The following SYCP2 variants were observed in gnomAD, a reference collection of about 807,000 sequenced individuals.
SYCP2 encodes the protein synaptonemal complex protein 2, also known as synaptonemal complex lateral element protein.
In SYCP2, 55 loss-of-function variants were observed where a neutral mutation model predicts 211.3. The observed-to-expected ratio is 0.26, with a 90% confidence interval of 0.21 to 0.33. The LOEUF (loss-of-function observed/expected upper bound fraction) is 0.33, where lower values mean the gene tolerates loss of function less well. SYCP2 is among the 10% of genes least tolerant of loss of function. The pLI is 1.00. For synonymous variants in SYCP2, 570 were observed against 555.2 expected (o/e 1.03, Z -0.37); for missense variants, 1,731 against 1,752.0 (o/e 0.99, Z 0.21).
chr20:59,932,890 G>A (rs1008619548), intron 1 of SYCP2, among the ~76,000 whole-genome samples: 3 of 152,080 alleles, frequency 2.0e-5, no homozygotes, highest in African/African-American at 4.8e-5. Context: ...GACTGAAGGC[G>A]CCGAGCAGGA....
At chr20:59,867,014 CAA>C (rs779891839) in intron 39 of SYCP2, among the ~76,000 whole-genome samples, 21 of 60,420 alleles carry the variant, frequency 3.5e-4, no homozygotes, top group South Asian at 8.0e-4. Context: ...GGCCTTGGGC[CAA>C]AAAAAAAAAA....
At chr20:59,884,868 T>C (rs2059755489) in intron 26 of SYCP2, among the ~76,000 whole-genome samples, 1 of 151,914 alleles carries the variant, frequency 6.6e-6, no homozygotes, top group African/African-American at 2.4e-5. Flanking sequence ...AAAAAACCCA[T>C]GAGTAAAATA....
chr20:59,921,036 A>G (rs953290757), intron 4 of SYCP2, among the ~76,000 whole-genome samples: 3 of 151,628 alleles, frequency 2.0e-5, no homozygotes, highest in African/African-American at 7.2e-5. Context: ...TCAAAGAGCT[A>G]AAGTATTTTT....
At chr20:59,870,042 C>G (rs902985366) in intron 35 of SYCP2, 59 bp from the exon 36 acceptor site, 2 of 1,151,378 alleles carry the variant, frequency 1.7e-6, no homozygotes, top group African/African-American at 3.1e-5. Context: ...CAAAGCCCCC[C>G]ACTTCAAAAA....
At position 59,867,031 on chromosome 20, in the gene SYCP2, A is replaced by G. The variant is rs1056945342; in HGVS notation, c.4126-442T>C. On this transcript the variant is annotated intron_variant, in intron 39 of 44. Coordinates refer to ENST00000357552, the MANE Select transcript of SYCP2 (RefSeq NM_014258.4). Reference sequence around the variant, plus strand: ...CCTTGGGCCAAAAAAAAAAAAAAAAAAAAAGAAACAGAAAAAACAAGCAAT... The same window carrying G: ...CCTTGGGCCAAAAAAAAAAAAAAAAGAAAAGAAACAGAAAAAACAAGCAAT... Among the ~76,000 whole-genome samples, 7 of 143,926 alleles carry G rather than the reference A, an allele frequency of 4.9e-5. No homozygotes were observed. In the South Asian group the frequency reaches 1.3e-3, roughly 27 times the overall value. 94.4% of individuals were successfully genotyped at this position (143,926 alleles called of 152,430 possible). A position where few individuals can be genotyped will look rare whatever the true frequency, so the allele number is the denominator to read the frequency against.
rs866733193 is a variant in SYCP2, at chr20:59,891,259, C to G, written c.2364+731G>C. 2.6e-5 allele frequency among the ~76,000 whole-genome samples: 4 copies of G among 151,884 alleles called. No individual in the cohort carries two copies. The South Asian group carries it at 8.3e-4, about 31-fold the overall frequency. ...ATCAAAAAGCAGATTGCATTACCTGCAGTGGAAATGTATTCTAATTAAAAA... is the reference window on the plus strand; with the variant it reads ...ATCAAAAAGCAGATTGCATTACCTGGAGTGGAAATGTATTCTAATTAAAAA... On this transcript the variant is annotated intron_variant, in intron 24 of 44. Coordinates refer to ENST00000357552, the MANE Select transcript of SYCP2 (RefSeq NM_014258.4).
chr20:59,866,312 T>G lies in SYCP2; in HGVS notation c.4301A>C (p.Asp1434Ala). Reference sequence around the variant, plus strand: ...ACAAACCACAAATTCCTTTTCCAAATCTTTTAAAGACTGTGAATCTTTTTC... The same window carrying G: ...ACAAACCACAAATTCCTTTTCCAAAGCTTTTAAAGACTGTGAATCTTTTTC... ...NFEKDSQSLK[D>A]LEKEFVDFWE... The change falls in exon 41 of 45, where the codon GAT becomes GCT. Residue 1434 changes from aspartate (D) to alanine (A), a missense_variant. Transcript: ENST00000357552. 6 of 1,584,414 alleles carry G rather than the reference T, an allele frequency of 3.8e-6. No homozygotes were observed. The highest frequency in any genetic ancestry group is 5.1e-6 in the Non-Finnish European group (6 of 1,168,986).
intron 18 of SYCP2, among the ~76,000 whole-genome samples, chr20:59,897,631 C>T (rs965203272): frequency 4.0e-5 from 6 of 151,380 alleles, no homozygotes; most frequent in African/African-American, 4.9e-5. Flanking sequence ...CTAATTATCT[C>T]GGGGAAATAA....
In SYCP2 at chr20:59,867,705, A is replaced by G; in HGVS notation, c.4125+6T>C. On this transcript the variant is annotated splice_donor_region_variant and intron_variant, in intron 39 of 44. Coordinates refer to ENST00000357552, the MANE Select transcript of SYCP2 (RefSeq NM_014258.4). ...GGTATAAATCATAATTTAAAGAATAACTCACATTATTCCTTCTCTTAAATT... is the reference window on the plus strand; with the variant it reads ...GGTATAAATCATAATTTAAAGAATAGCTCACATTATTCCTTCTCTTAAATT... The G allele has an allele frequency of 6.2e-7, 1 of 1,601,226 alleles. No individual in the cohort carries two copies. Among genetic ancestry groups the G allele is most frequent in the Non-Finnish European group, 8.5e-7 (1 of 1,170,146 alleles).
chr20:59,908,372 C>T (rs1013858240), intron 14 of SYCP2, among the ~76,000 whole-genome samples: 1 of 152,156 alleles, frequency 6.6e-6, no homozygotes, highest in Admixed American at 6.5e-5. Flanking sequence ...CCCTTCTCTC[C>T]TATACCTTAA....
At chr20:59,881,920 A>G in intron 28 of SYCP2, 25 bp downstream of exon 28, 2 of 1,571,794 alleles carry the variant, frequency 1.3e-6, no homozygotes, top group Non-Finnish European at 1.7e-6. Context: ...GAGTAAATAC[A>G]AAGTATCTTG....
chr20:59,864,577 A>C (rs2059293064), intron 44 of SYCP2, among the ~76,000 whole-genome samples, 189 bp from the exon 45 acceptor site: 1 of 152,040 alleles, frequency 6.6e-6, no homozygotes. Flanking sequence ...CTGATATTCA[A>C]GACAATCAGT....
chr20:59,917,458 AAG>A (rs2060464026), intron 7 of SYCP2, among the ~76,000 whole-genome samples: 1 of 152,192 alleles, frequency 6.6e-6, no homozygotes, highest in African/African-American at 2.4e-5. Context: ...ACTGCATAAA[AAG>A]AAAAAAGTAC....
chr20:59,895,060 A>G (rs950547698), intron 20 of SYCP2, among the ~76,000 whole-genome samples: 1 of 152,068 alleles, frequency 6.6e-6, no homozygotes, highest in Non-Finnish European at 1.5e-5. Context: ...TATGTAACTT[A>G]GTATCTAATT....
intron 33 of SYCP2, among the ~76,000 whole-genome samples, chr20:59,876,682 T>C (rs2059567220): frequency 6.6e-6 from 1 of 151,984 alleles, no homozygotes; most frequent in Non-Finnish European, 1.5e-5. Context: ...TAATTACCTA[T>C]AGTACTTATG....
intron 34 of SYCP2, 89 bp from the exon 35 acceptor site, chr20:59,874,150 A>G (rs2059509463): frequency 3.0e-6 from 2 of 658,280 alleles, no homozygotes; most frequent in African/African-American, 3.7e-5. Flanking sequence ...TTTAAATTCT[A>G]AGAATTTGTC....
intron 31 of SYCP2, among the ~76,000 whole-genome samples, chr20:59,879,322 C>T (rs2059620652): frequency 6.7e-6 from 1 of 148,566 alleles, no homozygotes; most frequent in Admixed American, 8.0e-5. Context: ...AATCCTGCTG[C>T]TTTACTTCCT....
intron 22 of SYCP2, 100 bp downstream of exon 22, chr20:59,893,042 T>C (rs570201021): frequency 1.2e-4 from 101 of 831,360 alleles, no homozygotes; most frequent in Middle Eastern, 7.5e-4. Flanking sequence ...TGATTAATAC[T>C]AATTCTAATC....
intron 15 of SYCP2, among the ~76,000 whole-genome samples, chr20:59,904,556 G>A (rs922525712): frequency 6.6e-6 from 1 of 152,122 alleles, no homozygotes; most frequent in Admixed American, 6.6e-5. Flanking sequence ...CTCTTCTGGT[G>A]GAAGGATTAT....
Sources: allele counts gnomAD v4.1 joint callset (sites outside exome capture counted in the v4.1 genomes callset), GRCh38; gene constraint gnomAD v4.1.1; transcripts MANE v1.5; gene names NCBI Gene and HGNC (gene_info 2026-07-23, HGNC 2026-07-21).